Variants in RABGAP1L observed in about 807,000 individuals in gnomAD.
The protein encoded by RABGAP1L is rab GTPase-activating protein 1-like.
RABGAP1L carries 63 observed loss-of-function variants against 137.7 expected under a neutral mutation model. The ratio of observed to expected loss-of-function variants is 0.46; its 90% CI spans 0.37 to 0.56. RABGAP1L has a LOEUF of 0.56. RABGAP1L is among the 20% of genes least tolerant of loss of function. RABGAP1L has a pLI of 0.00. For missense variants in RABGAP1L, 1,095 were observed against 1,244.0 expected (o/e 0.88, Z 1.80); for synonymous variants, 431 against 433.7 (o/e 0.99, Z 0.08).
chr1:174,332,021 C>T (rs562669633), intron 11 of RABGAP1L, among the ~76,000 whole-genome samples: 1 of 152,212 alleles, frequency 6.6e-6, no homozygotes, highest in Non-Finnish European at 1.5e-5. Context: ...ACTCAAATTT[C>T]ATGGATTGAC....
intron 14 of RABGAP1L, among the ~76,000 whole-genome samples, chr1:174,652,757 G>T (rs898498444): frequency 1.3e-5 from 2 of 152,168 alleles, no homozygotes; most frequent in Admixed American, 1.3e-4. Context: ...GGTGTCCCCA[G>T]TCAGGAGGCA....
chr1:174,390,177 T>TG (rs1280324723), intron 12 of RABGAP1L, among the ~76,000 whole-genome samples: 3 of 152,174 alleles, frequency 2.0e-5, no homozygotes, highest in African/African-American at 7.2e-5. Flanking sequence ...TTACTTGGGA[T>TG]AACCAGTAAA....
At chr1:174,258,219 A>C (rs1373917397) in intron 7 of RABGAP1L, among the ~76,000 whole-genome samples, 1 of 152,238 alleles carries the variant, frequency 6.6e-6, no homozygotes, top group Non-Finnish European at 1.5e-5. Context: ...TGTTTAAATC[A>C]GACTGTAAAC....
At chr1:174,651,298 G>A (rs1415843740) in intron 14 of RABGAP1L, among the ~76,000 whole-genome samples, 9 of 152,086 alleles carry the variant, frequency 5.9e-5, no homozygotes, top group Admixed American at 5.9e-4. Context: ...GTGCTGAAAA[G>A]AATGTATATT....
chr1:174,689,853 T>G (rs1678750237), intron 15 of RABGAP1L, among the ~76,000 whole-genome samples: 1 of 152,176 alleles, frequency 6.6e-6, no homozygotes, highest in African/African-American at 2.4e-5. Context: ...AAGAGGGGTT[T>G]TGATATCAGA....
chr1:174,522,545 G>A (rs777087504), intron 13 of RABGAP1L, among the ~76,000 whole-genome samples: 1 of 151,732 alleles, frequency 6.6e-6, no homozygotes, highest in East Asian at 1.9e-4. Flanking sequence ...AGAGGGGGAA[G>A]GAGGTGAGGG....
chr1:174,643,372 A>G (rs555863146), intron 14 of RABGAP1L, among the ~76,000 whole-genome samples: 1 of 152,280 alleles, frequency 6.6e-6, no homozygotes, highest in South Asian at 2.1e-4. Flanking sequence ...GCAACCTTCT[A>G]ATGCAGATCC....
chr1:174,716,545 G>T (rs1681025992), intron 17 of RABGAP1L, among the ~76,000 whole-genome samples: 1 of 152,134 alleles, frequency 6.6e-6, no homozygotes, highest in Non-Finnish European at 1.5e-5. Context: ...ACCAGTACTA[G>T]AACTGTTGTT....
chr1:174,773,588 A>G (rs1686295778), intron 18 of RABGAP1L, among the ~76,000 whole-genome samples: 1 of 152,242 alleles, frequency 6.6e-6, no homozygotes, highest in Middle Eastern at 3.2e-3. Context: ...CAATTTAAAA[A>G]TGTCCTTGGT....
intron 14 of RABGAP1L, among the ~76,000 whole-genome samples, chr1:174,680,211 A>C (rs1677951176): frequency 6.6e-6 from 1 of 152,234 alleles, no homozygotes; most frequent in Non-Finnish European, 1.5e-5. Flanking sequence ...GTGTCCCCTC[A>C]AAATTCATAT....
chr1:174,849,367 C>T (rs1316632366), intron 19 of RABGAP1L, among the ~76,000 whole-genome samples: 2 of 152,128 alleles, frequency 1.3e-5, no homozygotes, highest in Non-Finnish European at 2.9e-5. Context: ...TCCCAAGGGG[C>T]CATATGACGA....
intron 18 of RABGAP1L, chr1:174,800,036 G>A: frequency 8.6e-7 from 1 of 1,165,348 alleles, no homozygotes. Context: ...TTTTACACAT[G>A]TATCTGAACT....
At chr1:174,964,853 A>G (rs911119940) in intron 20 of RABGAP1L, 1 of 1,435,624 alleles carries the variant, frequency 7.0e-7, no homozygotes, top group Non-Finnish European at 9.1e-7. Context: ...AAGAGCATTA[A>G]GAAGTGTCTG....
intron 20 of RABGAP1L, 130 bp downstream of exon 20, chr1:174,957,679 G>GT: frequency 1.1e-6 from 1 of 902,654 alleles, no homozygotes; most frequent in Non-Finnish European, 1.8e-6. Flanking sequence ...AGTCTCCCAA[G>GT]TAGCTGGGAT....
intron 19 of RABGAP1L, among the ~76,000 whole-genome samples, chr1:174,831,976 G>T: frequency 6.8e-6 from 1 of 147,812 alleles, no homozygotes; most frequent in East Asian, 2.1e-4. Flanking sequence ...AAATTCAAAA[G>T]ATCTAGTATT....
At chr1:174,406,822 A>T (rs1182103610) in intron 13 of RABGAP1L, among the ~76,000 whole-genome samples, 1 of 152,110 alleles carries the variant, frequency 6.6e-6, no homozygotes, top group African/African-American at 2.4e-5. Context: ...AAGTGGGAGG[A>T]TCACTTGAGC....
At chr1:174,241,050 G>A (rs1226433162) in intron 4 of RABGAP1L, among the ~76,000 whole-genome samples, 1 of 152,138 alleles carries the variant, frequency 6.6e-6, no homozygotes, top group African/African-American at 2.4e-5. Flanking sequence ...GCCAGATGCG[G>A]GGGCTCACGC....
chr1:174,758,497 C>A (rs977375635), intron 18 of RABGAP1L, among the ~76,000 whole-genome samples: 2 of 151,966 alleles, frequency 1.3e-5, no homozygotes, highest in African/African-American at 4.8e-5. Context: ...ACTTTGTATG[C>A]TTTTGCATAC....
intron 13 of RABGAP1L, among the ~76,000 whole-genome samples, chr1:174,472,347 G>A (rs901049621): frequency 5.9e-5 from 9 of 152,312 alleles, no homozygotes; most frequent in South Asian, 2.1e-4. Flanking sequence ...GACAGCATGT[G>A]GGGACAAAGG....
Sources: gnomAD v4.1 joint callset for allele counts (sites outside exome capture counted in the v4.1 genomes callset) on GRCh38, gnomAD v4.1.1 for gene constraint, MANE v1.5 for transcripts, NCBI Gene and HGNC (gene_info 2026-07-23, HGNC 2026-07-21) for gene names.